The following LPP variants were observed in gnomAD, a reference collection of about 807,000 sequenced individuals.
LPP encodes LIM domain containing preferred translocation partner in lipoma, also known as lipoma-preferred partner.
LPP carries 38 observed loss-of-function variants against 60.4 expected under a neutral mutation model. The observed-to-expected ratio is 0.63, with a 90% CI of 0.49 to 0.83. The LOEUF (loss-of-function observed/expected upper bound fraction) is 0.83, where lower values mean the gene tolerates loss of function less well. Ranked by LOEUF, LPP falls within the 40% of genes least tolerant of loss-of-function variation. The pLI, the probability that LPP is intolerant of heterozygous loss-of-function variation, is 0.00. For synonymous variants in LPP, 328 were observed against 290.8 expected, an observed-to-expected ratio of 1.13 and a Z score of -1.30; for missense variants, 902 against 783.6, an observed-to-expected ratio of 1.15 and a Z score of -1.80.
At chr3:188,293,703 A>G (rs1746810056) in intron 2 of LPP, among the ~76,000 whole-genome samples, 1 of 152,170 alleles carries the variant, frequency 6.6e-6, no homozygotes, top group Non-Finnish European at 1.5e-5. Context: ...TCAGCAGTGA[A>G]AGGAATAAAG....
At chr3:188,667,465 G>T (rs191798174) in intron 7 of LPP, among the ~76,000 whole-genome samples, 20 of 143,250 alleles carry the variant, frequency 1.4e-4, no homozygotes, top group African/African-American at 5.3e-4. Context: ...GTGACAGAGC[G>T]ATACTCTGTC....
At chr3:188,500,757 T>C (rs1387945621) in intron 5 of LPP, among the ~76,000 whole-genome samples, 1 of 152,168 alleles carries the variant, frequency 6.6e-6, no homozygotes, top group Non-Finnish European at 1.5e-5. Flanking sequence ...GATTTTTTAT[T>C]TGTGGTTTAG....
chr3:188,441,609 C>CTTTTTTTTT lies in LPP; in HGVS notation c.193+35317_193+35325dup, dbSNP rs1004222826. 6.6e-4 allele frequency among the ~76,000 whole-genome samples: 37 copies of CTTTTTTTTT among 55,660 alleles called. 3 individuals are homozygous for CTTTTTTTTT. Among genetic ancestry groups the CTTTTTTTTT allele is most frequent in the African/African-American group, 1.4e-3 (19 of 13,344 alleles). The allele number at this position is 55,660 out of a possible 152,430, so 36.5% of individuals were successfully genotyped here. A position where few individuals can be genotyped will look rare whatever the true frequency, so the allele number is the denominator to read the frequency against. On this transcript the variant is annotated intron_variant, in intron 4 of 11. Coordinates refer to ENST00000617246, the MANE Select transcript of LPP (RefSeq NM_001375462.1). ...ACAGTTTCTTTTTTTCTTTTCTTTT[C>CTTTTTTTTT]TTTTTTTTTTTTTTTTTTTTTTTTT... is the stretch of plus-strand genomic sequence containing the variant.
chr3:188,482,960 C>T, intron 4 of LPP, among the ~76,000 whole-genome samples: 1 of 152,144 alleles, frequency 6.6e-6, no homozygotes, highest in East Asian at 1.9e-4. Flanking sequence ...GAATCAGAAT[C>T]TCTGGATCCA....
At chr3:188,699,812 C>G (rs1285660456) in intron 7 of LPP, among the ~76,000 whole-genome samples, 1 of 152,112 alleles carries the variant, frequency 6.6e-6, no homozygotes, top group African/African-American at 2.4e-5. Flanking sequence ...TCATCTGCCC[C>G]TGGCCAGAAG....
intron 2 of LPP, among the ~76,000 whole-genome samples, chr3:188,247,756 G>A (rs576795065): frequency 4.0e-5 from 6 of 149,700 alleles, no homozygotes; most frequent in African/African-American, 9.9e-5. Context: ...ACGAGATTGC[G>A]CCATTGCACT....
At chr3:188,468,478 G>T (rs1222341384) in intron 4 of LPP, among the ~76,000 whole-genome samples, 1 of 152,158 alleles carries the variant, frequency 6.6e-6, no homozygotes, top group Non-Finnish European at 1.5e-5. Context: ...GTTGCTTGTT[G>T]ACCTGTAGAC....
At chr3:188,410,006 G>T (rs551894962) in intron 4 of LPP, among the ~76,000 whole-genome samples, 5 of 152,216 alleles carry the variant, frequency 3.3e-5, no homozygotes, top group African/African-American at 1.2e-4. Flanking sequence ...ATACCCTCAT[G>T]CATTGCCTAC....
At chr3:188,620,881 GT>G (rs1231504833) in intron 7 of LPP, among the ~76,000 whole-genome samples, 2 of 152,160 alleles carry the variant, frequency 1.3e-5, no homozygotes, top group East Asian at 3.8e-4. Context: ...AACCATGTCT[GT>G]TTCAGTTTTG....
At chr3:188,643,757 C>T (rs1307565268) in intron 7 of LPP, among the ~76,000 whole-genome samples, 1 of 152,120 alleles carries the variant, frequency 6.6e-6, no homozygotes, top group East Asian at 1.9e-4. Context: ...TCAGTAGCGT[C>T]TATGTGCTAG....
At chr3:188,413,730 A>G (rs2148951397) in intron 4 of LPP, among the ~76,000 whole-genome samples, 1 of 152,262 alleles carries the variant, frequency 6.6e-6, no homozygotes, top group East Asian at 1.9e-4. Flanking sequence ...GATCTTACCA[A>G]ATATTCTTAG....
chr3:188,482,627 C>T (rs1036780787), intron 4 of LPP, among the ~76,000 whole-genome samples: 5 of 152,086 alleles, frequency 3.3e-5, no homozygotes, highest in Admixed American at 3.3e-4. Flanking sequence ...GGAATTTGGA[C>T]ATCAGCATTT....
intron 3 of LPP, among the ~76,000 whole-genome samples, chr3:188,374,460 C>G (rs918382383): frequency 2.2e-4 from 34 of 152,220 alleles, no homozygotes; most frequent in African/African-American, 8.2e-4. Flanking sequence ...ATTTTATTCT[C>G]TTTGAAGCAA....
chr3:188,322,796 C>T (rs1757320473), intron 2 of LPP, among the ~76,000 whole-genome samples: 1 of 152,152 alleles, frequency 6.6e-6, no homozygotes. Flanking sequence ...AATTTCTTCA[C>T]CTGTTTGACA....
intron 2 of LPP, among the ~76,000 whole-genome samples, chr3:188,240,636 A>G (rs556537309): frequency 2.0e-5 from 3 of 152,308 alleles, no homozygotes; most frequent in Admixed American, 6.5e-5. Flanking sequence ...AAACTTTCAT[A>G]TAAAAAAGCG....
intron 7 of LPP, among the ~76,000 whole-genome samples, chr3:188,698,925 C>T (rs902819865): frequency 3.3e-5 from 5 of 152,200 alleles, no homozygotes; most frequent in African/African-American, 7.2e-5. Flanking sequence ...GTACACTACA[C>T]TGAAGTCCTT....
chr3:188,161,903 G>T (rs1445997326), intron 1 of LPP, among the ~76,000 whole-genome samples: 1 of 152,206 alleles, frequency 6.6e-6, no homozygotes, highest in Non-Finnish European at 1.5e-5. Flanking sequence ...TGCCATGGAT[G>T]GCTGCCATTG....
chr3:188,333,370 A>C (rs1051331986), intron 2 of LPP, among the ~76,000 whole-genome samples: 1 of 152,222 alleles, frequency 6.6e-6, no homozygotes, highest in Non-Finnish European at 1.5e-5. Flanking sequence ...TGTCTAGGAA[A>C]GAGTTCCTTT....
intron 4 of LPP, among the ~76,000 whole-genome samples, chr3:188,478,049 T>A (rs1803693255): frequency 6.6e-6 from 1 of 152,182 alleles, no homozygotes; most frequent in Non-Finnish European, 1.5e-5. Flanking sequence ...TTGCCTGTAG[T>A]CTGTGGAGTG....
Sources: allele counts gnomAD v4.1 joint callset (sites outside exome capture counted in the v4.1 genomes callset), GRCh38; gene constraint gnomAD v4.1.1; transcripts MANE v1.5; gene names NCBI Gene and HGNC (gene_info 2026-07-23, HGNC 2026-07-21).